Variants in CNTRL observed in about 807,000 individuals in gnomAD.
CNTRL encodes 110 kDa centrosomal protein.
CNTRL carries 233 observed loss-of-function variants against 303.7 expected under a neutral mutation model. The ratio of observed to expected loss-of-function variants is 0.77; its 90% CI spans 0.69 to 0.86. The LOEUF (loss-of-function observed/expected upper bound fraction) is 0.86, where lower values mean the gene tolerates loss of function less well. Among genes scored for constraint, CNTRL ranks in the 40% least tolerant of loss-of-function variants. The pLI is 0.00. For missense variants in CNTRL, 2,524 were observed against 2,650.6 expected, an observed-to-expected ratio of 0.95 and a Z score of 1.05; for synonymous variants, 900 against 922.2, an observed-to-expected ratio of 0.98 and a Z score of 0.44.
intron 14 of CNTRL, among the ~76,000 whole-genome samples, chr9:121,131,903 G>A (rs374312625): frequency 1.3e-5 from 2 of 152,188 alleles, no homozygotes; most frequent in East Asian, 1.9e-4. Context: ...GCTTAGTTTG[G>A]TTGAATATGA....
Position 121,146,354 on chromosome 9 carries a change from A to G in CNTRL, c.3459+98A>G. ...AATTTATGAACAGGTACCAAAAACA[A>G]CATTTCTATGCTAAGCCGTGCATTG... is the stretch of plus-strand genomic sequence containing the variant. On this transcript the variant is annotated intron_variant, in intron 23 of 43. Transcript: ENST00000373855. The G allele has an allele frequency of 2.4e-6, 3 of 1,239,664 alleles. No individual in the cohort carries two copies. The South Asian group carries it at 4.4e-5, about 18-fold the overall frequency. 76.8% of individuals were successfully genotyped at this position (1,239,664 alleles called of 1,614,324 possible). A position where few individuals can be genotyped will look rare whatever the true frequency, so the allele number is the denominator to read the frequency against.
At chr9:121,159,192 T>TC (rs1481519148) in intron 31 of CNTRL, among the ~76,000 whole-genome samples, 173 bp downstream of exon 31, 1 of 152,156 alleles carries the variant, frequency 6.6e-6, no homozygotes, top group African/African-American at 2.4e-5. Flanking sequence ...CATGTGTAGT[T>TC]CCCCCTCTGT....
intron 34 of CNTRL, among the ~76,000 whole-genome samples, chr9:121,164,524 G>A (rs193148697): frequency 3.6e-4 from 55 of 152,278 alleles, no homozygotes; most frequent in Admixed American, 1.4e-3. Context: ...AAGTAACTAC[G>A]TTGAGTGAAA....
At chr9:121,167,920 C>T (rs2053158529) in intron 37 of CNTRL, among the ~76,000 whole-genome samples, 176 bp from the exon 38 acceptor site, 1 of 152,116 alleles carries the variant, frequency 6.6e-6, no homozygotes, top group Non-Finnish European at 1.5e-5. Context: ...GCTTGAATCC[C>T]CTCCTCACAT....
rs1043520902 is a variant in CNTRL at position 121,107,848 on chromosome 9, A to G, written c.855A>G (p.Glu285=). The part of the protein sequence containing the change: ...LERDLEKKMI[E]TEELKSKQTR... ...GAGACCTAGAAAAAAAGATGATAGA[A>G]ACTGAAGAGCTTAAGAGCAAACAAA... The change falls in exon 8 of 44, where the codon GAA becomes GAG. Residue 285 remains glutamate (E), a synonymous_variant. Transcript: ENST00000373855. 1 of 1,598,482 alleles carries G rather than the reference A, an allele frequency of 6.3e-7. No homozygotes were observed. The highest frequency in any genetic ancestry group is 1.8e-5 in the Admixed American group (1 of 55,812).
At chr9:121,114,787 A>C (rs548540329) in intron 10 of CNTRL, among the ~76,000 whole-genome samples, 1 of 152,220 alleles carries the variant, frequency 6.6e-6, no homozygotes, top group African/African-American at 2.4e-5. Flanking sequence ...ATATTTCCCA[A>C]TAAAAGTCTT....
At chr9:121,150,574 T>C (rs1283031168) in intron 25 of CNTRL, 91 bp downstream of exon 25, 1 of 1,156,118 alleles carries the variant, frequency 8.6e-7, no homozygotes, top group Non-Finnish European at 1.3e-6. Context: ...TATTTATGAC[T>C]GGATTATATG....
intron 25 of CNTRL, among the ~76,000 whole-genome samples, chr9:121,150,994 A>C (rs1339905272): frequency 6.6e-6 from 1 of 152,240 alleles, no homozygotes. Flanking sequence ...ATGTATGTGC[A>C]CGTGTATGCA....
chr9:121,134,850 C>A (rs2051094217), intron 14 of CNTRL, among the ~76,000 whole-genome samples: 1 of 152,206 alleles, frequency 6.6e-6, no homozygotes, highest in African/African-American at 2.4e-5. Context: ...GTTCAAGTTT[C>A]CTCTTGAGTG....
chr9:121,111,745 T>C (rs1358610828), intron 8 of CNTRL, among the ~76,000 whole-genome samples: 1 of 152,172 alleles, frequency 6.6e-6, no homozygotes, highest in African/African-American at 2.4e-5. Flanking sequence ...AGTCAGTTCA[T>C]CAATCTGAGA....
Position 121,145,277 on chromosome 9 carries a change from A to G in CNTRL, c.3202A>G (p.Thr1068Ala). The change falls in exon 22 of 44, where the codon ACT becomes GCT. Residue 1068 changes from threonine (T) to alanine (A), a missense_variant. Coordinates refer to ENST00000373855, the MANE Select transcript of CNTRL (RefSeq NM_007018.6). ...TGAGATGGAGAAAACAGGTGTAGGT[A>G]CTGGAGCAAACTCACAGGTCCTAGA... Reference protein sequence around the residue: ...RLEMEKTGVGTGANSQVLEIE... With the variant: ...RLEMEKTGVGAGANSQVLEIE... The G allele has an allele frequency of 6.2e-7, 1 of 1,613,780 alleles. No homozygotes were observed. Among genetic ancestry groups the G allele is most frequent in the South Asian group, 1.1e-5 (1 of 90,998 alleles).
Position 121,113,670 on chromosome 9 carries a change from G to A in CNTRL, c.1291G>A (p.Gly431Ser), listed in dbSNP as rs780880088. 6 of 1,600,276 alleles carry A rather than the reference G, an allele frequency of 3.7e-6. No homozygotes were observed. The highest frequency in any genetic ancestry group is 5.1e-6 in the Non-Finnish European group (6 of 1,175,210). The change falls in exon 10 of 44, where the codon GGC becomes AGC. Residue 431 changes from glycine (G) to serine (S), a missense_variant. Transcript: ENST00000373855. ...QLRNDHMNLR[G>S]HTPLDTQLED... Reference sequence around the variant, plus strand: ...TAGAAATGATCACATGAACTTGAGAGGCCACACACCACTGGACACGCAACT... The same window carrying A: ...TAGAAATGATCACATGAACTTGAGAAGCCACACACCACTGGACACGCAACT...
intron 16 of CNTRL, among the ~76,000 whole-genome samples, chr9:121,139,349 C>G (rs1367006009): frequency 6.6e-6 from 1 of 152,118 alleles, no homozygotes; most frequent in African/African-American, 2.4e-5. Context: ...GGCCTCTTGG[C>G]TGGCTGAGAT....
chr9:121,100,044 A>G (rs1265857700), intron 7 of CNTRL, among the ~76,000 whole-genome samples: 1 of 152,246 alleles, frequency 6.6e-6, no homozygotes, highest in Non-Finnish European at 1.5e-5. Flanking sequence ...ATTCAAATTC[A>G]GGAAATACAG....
chr9:121,150,087 C>T (rs1222120276), intron 24 of CNTRL, 83 bp from the exon 25 acceptor site: 3 of 1,096,160 alleles, frequency 2.7e-6, no homozygotes, highest in Non-Finnish European at 3.9e-6. Context: ...TGCTGCTGTT[C>T]TCTACTAAAT....
At chr9:121,093,069 A>G (rs2048736583) in intron 4 of CNTRL, among the ~76,000 whole-genome samples, 1 of 151,266 alleles carries the variant, frequency 6.6e-6, no homozygotes, top group East Asian at 1.9e-4. Context: ...GGCTTCCCAA[A>G]GTGTTGGGAT....
At chr9:121,143,265 G>A (rs2051625273) in intron 19 of CNTRL, among the ~76,000 whole-genome samples, 1 of 152,098 alleles carries the variant, frequency 6.6e-6, no homozygotes, top group African/African-American at 2.4e-5. Context: ...TCTCTAAAAT[G>A]TATCTGGAAT....
rs1266534672 is a variant in CNTRL, at chr9:121,123,988, C to T, written c.1708C>T (p.Gln570Ter). The T allele has an allele frequency of 6.2e-7, 1 of 1,612,296 alleles. No individual in the cohort carries two copies. Among genetic ancestry groups the T allele is most frequent in the South Asian group, 1.1e-5 (1 of 90,818 alleles). The change falls in exon 13 of 44, where the codon CAG (glutamine) becomes TAG (stop). Residue 570 changes from glutamine (Q) to a stop codon, truncating the protein, a stop_gained. Transcript: ENST00000373855. LOFTEE classifies it high-confidence loss of function. ...KEQQLDIMNK[Q>*]YQQLESRLDE... is the part of the protein sequence containing the mutation. ...ACAACAGCTTGACATTATGAACAAG[C>T]AGTACCAACAACTTGAAAGTCGTTT...
chr9:121,147,809 A>G (rs1364836265), intron 23 of CNTRL, among the ~76,000 whole-genome samples: 1 of 152,216 alleles, frequency 6.6e-6, no homozygotes, highest in Non-Finnish European at 1.5e-5. Flanking sequence ...TTCTCCCAGC[A>G]ATCCTAAAGG....
Sources: gnomAD v4.1 joint callset for allele counts (sites outside exome capture counted in the v4.1 genomes callset) on GRCh38, gnomAD v4.1.1 for gene constraint, MANE v1.5 for transcripts, NCBI Gene and HGNC (gene_info 2026-07-23, HGNC 2026-07-21) for gene names.